RIN2: variants seen among roughly 807,000 people sequenced by gnomAD.
RIN2 encodes RAB5 interacting protein 2.
A neutral mutation model predicts 78.0 loss-of-function variants in RIN2; 36 were observed. The ratio of observed to expected loss-of-function variants is 0.46; its 90% confidence interval spans 0.35 to 0.61. The LOEUF is 0.61. Ranked by LOEUF, RIN2 falls within the 20% of genes least tolerant of loss-of-function variation. The pLI is 0.00. For missense variants in RIN2, 1,087 were observed against 1,159.7 expected (o/e 0.94, Z 0.91); for synonymous variants, 466 against 466.8 (o/e 1.00, Z 0.02).
chr20:19,895,448 C>G (rs916497436), intron 3 of RIN2, among the ~76,000 whole-genome samples: 1 of 152,132 alleles, frequency 6.6e-6, no homozygotes, highest in Non-Finnish European at 1.5e-5. Flanking sequence ...TAGAGTACCC[C>G]CTTTCTAAGT....
In RIN2 at chr20:19,967,704, G is replaced by C. The variant is rs532488613; in HGVS notation, c.536+2680G>C. Among the ~76,000 whole-genome samples the C allele has an allele frequency of 4.9e-4, 75 of 152,280 alleles. 1 individual carries two copies. In the South Asian group the frequency reaches 0.013, roughly 27 times the overall value. On this transcript the variant is annotated intron_variant, in intron 7 of 12. Coordinates refer to ENST00000255006, the MANE Select transcript of RIN2 (RefSeq NM_018993.4). ...AGTGAGAGTACTAGAGTCATTTGGA[G>C]TCTTGCTAAATGCAGAATCCGGTAC...
At chr20:19,906,513 C>G (rs1280648164) in intron 3 of RIN2, among the ~76,000 whole-genome samples, 2 of 151,998 alleles carry the variant, frequency 1.3e-5, no homozygotes, top group Middle Eastern at 3.2e-3. Flanking sequence ...CTTACAGGGG[C>G]CAGGAAGATA....
chr20:19,916,596 G>C (rs1055523256), intron 3 of RIN2, among the ~76,000 whole-genome samples: 2 of 152,176 alleles, frequency 1.3e-5, no homozygotes, highest in African/African-American at 4.8e-5. Flanking sequence ...GTGAGATCCT[G>C]TCCAAAAAAT....
intron 2 of RIN2, among the ~76,000 whole-genome samples, chr20:19,866,760 G>A (rs1011106976): frequency 5.3e-5 from 8 of 152,092 alleles, no homozygotes; most frequent in African/African-American, 1.9e-4. Flanking sequence ...GAGTAGCTGG[G>A]ATTACAGGCA....
chr20:19,995,959 C>G (rs1482142512), intron 11 of RIN2, among the ~76,000 whole-genome samples: 1 of 152,174 alleles, frequency 6.6e-6, no homozygotes, highest in East Asian at 1.9e-4. Context: ...TGACTTTCCC[C>G]CCACCTCCCC....
At chr20:19,795,997 A>C (rs965680345) in intron 1 of RIN2, among the ~76,000 whole-genome samples, 1 of 152,134 alleles carries the variant, frequency 6.6e-6, no homozygotes, top group Non-Finnish European at 1.5e-5. Flanking sequence ...GCACCATTGC[A>C]TTCCAGCCTG....
chr20:19,957,037 C>G (rs944713612), intron 5 of RIN2, among the ~76,000 whole-genome samples: 1 of 152,184 alleles, frequency 6.6e-6, no homozygotes, highest in African/African-American at 2.4e-5. Flanking sequence ...GTACAAGGAT[C>G]CAGCAGAGAA....
At chr20:19,784,066 C>T (rs772713457) in intron 1 of RIN2, among the ~76,000 whole-genome samples, 8 of 152,206 alleles carry the variant, frequency 5.3e-5, no homozygotes, top group Non-Finnish European at 7.3e-5. Context: ...AGGGCTGGCA[C>T]GTGGCACCGG....
intron 2 of RIN2, among the ~76,000 whole-genome samples, chr20:19,851,215 A>C (rs2036971290): frequency 6.6e-6 from 1 of 152,152 alleles, no homozygotes; most frequent in Non-Finnish European, 1.5e-5. Context: ...TGGCAAAGAG[A>C]AAACCTTGGG....
chr20:19,904,320 G>A (rs900523521), intron 3 of RIN2, among the ~76,000 whole-genome samples: 8 of 151,008 alleles, frequency 5.3e-5, no homozygotes, highest in Middle Eastern at 3.5e-3. Context: ...ATCTGTATGC[G>A]CTGCCTATAT....
chr20:19,775,040 G>T (rs1170052379), intron 1 of RIN2, among the ~76,000 whole-genome samples: 1 of 152,206 alleles, frequency 6.6e-6, no homozygotes, highest in Non-Finnish European at 1.5e-5. Flanking sequence ...AGGAAAAGAA[G>T]CCAGAGCAAT....
intron 2 of RIN2, among the ~76,000 whole-genome samples, chr20:19,801,364 A>AG (rs201512826): frequency 0.011 from 1,678 of 152,120 alleles, 43 homozygotes; most frequent in African/African-American, 0.038. Flanking sequence ...TCTGTCACCC[A>AG]GGCTGGAGTG....
At chr20:19,976,028 T>G (rs2042269177) in intron 9 of RIN2, among the ~76,000 whole-genome samples, 1 of 152,198 alleles carries the variant, frequency 6.6e-6, no homozygotes, top group Non-Finnish European at 1.5e-5. Flanking sequence ...GGATGGAGTT[T>G]GGTCCTCTGT....
chr20:19,808,214 T>C (rs1189194321), intron 2 of RIN2, among the ~76,000 whole-genome samples: 1 of 152,258 alleles, frequency 6.6e-6, no homozygotes, highest in Non-Finnish European at 1.5e-5. Context: ...CCTGCATGCT[T>C]AGTGGCTTGC....
chr20:19,802,861 C>G (rs2035290155), intron 2 of RIN2, among the ~76,000 whole-genome samples: 2 of 152,292 alleles, frequency 1.3e-5, no homozygotes, highest in East Asian at 1.9e-4. Flanking sequence ...CTGCTGGACC[C>G]TGTTGGAAAC....
chr20:19,865,491 T>TC (rs1413304669), intron 2 of RIN2, among the ~76,000 whole-genome samples: 2 of 129,144 alleles, frequency 1.5e-5, no homozygotes, highest in Non-Finnish European at 1.6e-5. Flanking sequence ...TTTCTTTCTT[T>TC]TTTTTTTTTT....
Position 19,975,389 on chromosome 20 carries a change from C to G in RIN2, c.1364C>G (p.Ala455Gly), listed in dbSNP as rs2146322779. 1 of 1,614,002 alleles carries G rather than the reference C, an allele frequency of 6.2e-7. No homozygotes were observed. Among genetic ancestry groups the G allele is most frequent in the Non-Finnish European group, 8.5e-7 (1 of 1,179,870 alleles). The change falls in exon 9 of 13, where the codon GCG (alanine) becomes GGG (glycine). Residue 455 changes from alanine to glycine, a missense_variant. Physicochemically the swap from Ala to Gly is moderately conservative, Grantham distance 60. Around this residue, in one of 8 missense-constraint regions of RIN2, gnomAD observed 706 missense variants for 667.5 expected, o/e 1.06. Coordinates refer to ENST00000255006, the MANE Select transcript of RIN2 (RefSeq NM_018993.4). This position sits in a 1 kb window ranked among gnomAD's most constrained non-coding sequence, Gnocchi z 4.9. ...DRSMPLFGYE[A>G]DTNSSLEDYE... is the part of the protein sequence containing the mutation. Reference sequence around the variant, plus strand: ...AGCATGCCTCTGTTTGGCTACGAGGCGGACACCAACAGCAGCCTGGAGGAC... The same window carrying G: ...AGCATGCCTCTGTTTGGCTACGAGGGGGACACCAACAGCAGCCTGGAGGAC...
intron 1 of RIN2, among the ~76,000 whole-genome samples, chr20:19,762,755 A>AT (rs1364072279): frequency 4.2e-5 from 6 of 142,964 alleles, no homozygotes; most frequent in Admixed American, 6.9e-5. Context: ...AATGTGATTT[A>AT]TTTTATTTAT....
chr20:19,823,929 G>A lies in RIN2; in HGVS notation c.-37+24182G>A, dbSNP rs563571477. 238 of 1,559,766 alleles carry A rather than the reference G, an allele frequency of 1.5e-4. No individual in the cohort carries two copies. In the African/African-American group the frequency reaches 2.8e-3, roughly 18 times the overall value. On this transcript the variant is annotated intron_variant, in intron 2 of 12. Coordinates refer to ENST00000255006, the MANE Select transcript of RIN2 (RefSeq NM_018993.4). ...ATACGACTTTGATCTCGTTCGGGTC[G>A]AACTTCGGCAGCATGGTGGAGGCAG...
Sources: gnomAD v4.1 joint callset for allele counts (sites outside exome capture counted in the v4.1 genomes callset) on GRCh38, gnomAD v4.1.1 for gene constraint, gnomAD v4.1.1 regional missense constraint, Gnocchi (gnomAD v3.1) non-coding constraint, MANE v1.5 for transcripts, NCBI Gene and HGNC (gene_info 2026-07-23, HGNC 2026-07-21) for gene names.